TULP4: variants seen among roughly 807,000 people sequenced by gnomAD.
TULP4 encodes tubby-related protein 4.
A neutral mutation model predicts 129.0 loss-of-function variants in TULP4; 16 were observed. The ratio of observed to expected loss-of-function variants is 0.12; its 90% CI spans 0.08 to 0.19. TULP4 has a LOEUF of 0.19. Among genes scored for constraint, TULP4 ranks in the 10% least tolerant of loss-of-function variants. TULP4 has a pLI of 1.00. For synonymous variants in TULP4, 998 were observed against 854.0 expected, an observed-to-expected ratio of 1.17 and a Z score of -2.94; for missense variants, 1,842 against 2,059.1, an observed-to-expected ratio of 0.89 and a Z score of 2.04.
intron 2 of TULP4, among the ~76,000 whole-genome samples, chr6:158,422,483 C>T (rs1027090181): frequency 1.3e-5 from 2 of 152,180 alleles, no homozygotes; most frequent in African/African-American, 4.8e-5. Context: ...ATAAGTGATA[C>T]GGCTCCAGTG....
intron 9 of TULP4, among the ~76,000 whole-genome samples, chr6:158,492,518 C>G (rs77508964): frequency 0.018 from 2,788 of 152,122 alleles, 54 homozygotes; most frequent in Non-Finnish European, 0.022. Context: ...GTGCTTTTTT[C>G]CCATTATGTA....
intron 1 of TULP4, among the ~76,000 whole-genome samples, chr6:158,392,794 C>CTTTTTTTTTTTGTTTTTTTTTTTTTTTTT (rs1777615745): frequency 1.8e-5 from 1 of 54,642 alleles, no homozygotes; most frequent in Admixed American, 3.0e-4. Context: ...ATTTGTATTT[C>CTTTTTTTTTTTGTTTTTTTTTTTTTTTTT]TTTTTTTTTT....
At chr6:158,463,151 C>A (rs1249522786) in intron 6 of TULP4, among the ~76,000 whole-genome samples, 2 of 152,130 alleles carry the variant, frequency 1.3e-5, no homozygotes, top group Non-Finnish European at 2.9e-5. Flanking sequence ...TTATTCTAGT[C>A]TCCTACAGTC....
intron 3 of TULP4, among the ~76,000 whole-genome samples, chr6:158,432,607 A>C (rs1167087768): frequency 6.6e-6 from 1 of 152,220 alleles, no homozygotes; most frequent in African/African-American, 2.4e-5. Context: ...TCACGCCTGT[A>C]ATCCCAGCAC....
At chr6:158,276,899 C>G (rs1244888032) in intron 1 of TULP4, among the ~76,000 whole-genome samples, 1 of 152,056 alleles carries the variant, frequency 6.6e-6, no homozygotes, top group Non-Finnish European at 1.5e-5. Context: ...TTTGCCAAGA[C>G]CTCTGCTGGT....
chr6:158,469,613 C>CT (rs1222276495), intron 6 of TULP4, among the ~76,000 whole-genome samples: 2 of 151,872 alleles, frequency 1.3e-5, no homozygotes, highest in African/African-American at 2.4e-5. Flanking sequence ...AGCCACATCT[C>CT]TAAGTGTGGA....
intron 1 of TULP4, among the ~76,000 whole-genome samples, chr6:158,250,558 G>T (rs1778121710): frequency 6.6e-6 from 1 of 152,202 alleles, no homozygotes; most frequent in Non-Finnish European, 1.5e-5. Flanking sequence ...GAAGTCTCAA[G>T]GTTGACCATA....
chr6:158,323,839 C>T (rs959270947), intron 1 of TULP4, among the ~76,000 whole-genome samples: 6 of 152,160 alleles, frequency 3.9e-5, no homozygotes, highest in Non-Finnish European at 7.4e-5. Flanking sequence ...TTGTTAAGTT[C>T]TTGGAAACTG....
intron 1 of TULP4, among the ~76,000 whole-genome samples, chr6:158,291,962 T>C (rs1181561982): frequency 6.6e-6 from 1 of 152,226 alleles, no homozygotes; most frequent in Non-Finnish European, 1.5e-5. Flanking sequence ...TTCTGAAGAT[T>C]TGGGGATCTA....
intron 1 of TULP4, among the ~76,000 whole-genome samples, chr6:158,390,110 G>T (rs982667299): frequency 6.6e-6 from 1 of 151,766 alleles, no homozygotes; most frequent in Non-Finnish European, 1.5e-5. Context: ...AGTCATTTAT[G>T]TGCACAGTGA....
intron 1 of TULP4, among the ~76,000 whole-genome samples, chr6:158,263,852 C>T (rs1250899353): frequency 1.3e-5 from 2 of 152,114 alleles, no homozygotes; most frequent in African/African-American, 4.8e-5. Flanking sequence ...CACCTGAGGT[C>T]AGGAGTTAGA....
At chr6:158,305,318 T>TGTGTGC (rs1779199562) in intron 1 of TULP4, among the ~76,000 whole-genome samples, 1 of 107,846 alleles carries the variant, frequency 9.3e-6, no homozygotes, top group Non-Finnish European at 1.9e-5. Context: ...TATTTCATTC[T>TGTGTGC]GTGTGCGTGT....
chr6:158,240,424 C>T (rs1777860841), intron 1 of TULP4, among the ~76,000 whole-genome samples: 1 of 72,232 alleles, frequency 1.4e-5, no homozygotes, highest in African/African-American at 4.7e-5. Context: ...GGCGGCCGGG[C>T]AGAGGCGCCC....
At position 158,271,338 on chromosome 6, in the gene TULP4, C is replaced by G. The variant is rs544954510; in HGVS notation, n.68+39035C>G. 8.5e-5 allele frequency among the ~76,000 whole-genome samples: 13 copies of G among 152,110 alleles called. No individual in the cohort carries two copies. The South Asian group carries it at 2.7e-3, about 32-fold the overall frequency. On this transcript the variant is annotated intron_variant and non_coding_transcript_variant, in intron 1 of 1. Coordinates refer to the TULP4 transcript ENST00000620026. ...TAGGTCCAGCTTCCTCAAGTTGTGT[C>G]ATGACTTGTTGATGAGGAGGAAGGG...
chr6:158,493,770 C>T lies in TULP4; in HGVS notation c.1776+53C>T, dbSNP rs1196895771. 1 of 1,477,344 alleles carries T rather than the reference C, an allele frequency of 6.8e-7. No homozygotes were observed. The highest frequency in any genetic ancestry group is 1.4e-5 in the African/African-American group (1 of 68,994). The allele number at this position is 1,477,344 out of a possible 1,614,324, so 91.5% of individuals were successfully genotyped here. A position where few individuals can be genotyped will look rare whatever the true frequency, so the allele number is the denominator to read the frequency against. ...CTCCCCTCCTCCTGGGGGCTATGCCCAGAGGGCCCCTTCCTACCCGCCGCC... is the reference window on the plus strand; with the variant it reads ...CTCCCCTCCTCCTGGGGGCTATGCCTAGAGGGCCCCTTCCTACCCGCCGCC... On this transcript the variant is annotated intron_variant, in intron 10 of 13. Transcript: ENST00000367097. The surrounding 1 kb of genome is among the most constrained non-coding windows in gnomAD (Gnocchi z 4.4).
In TULP4 at chr6:158,360,097, CA is replaced by C. The variant is rs112453559; in HGVS notation, c.252+45840del. Among the ~76,000 whole-genome samples, 591 of 122,930 alleles carry C rather than the reference CA, an allele frequency of 4.8e-3. 4 individuals carry two copies. The highest frequency in any genetic ancestry group is 0.016 in the African/African-American group (532 of 33,452). The allele number at this position is 122,930 out of a possible 152,430, so 80.6% of individuals were successfully genotyped here. A position where few individuals can be genotyped will look rare whatever the true frequency, so the allele number is the denominator to read the frequency against. On this transcript the variant is annotated intron_variant, in intron 1 of 13. Transcript: ENST00000367097. ...CTTCCCCCCTTCCCTTTTATGCCTC[CA>C]AAAAAAAAAACCAAACAAACAAACA...
chr6:158,418,662 G>A (rs1009963938), intron 2 of TULP4, among the ~76,000 whole-genome samples: 2 of 152,140 alleles, frequency 1.3e-5, no homozygotes, highest in Admixed American at 6.5e-5. Flanking sequence ...CCAGCTACTC[G>A]GAAGGCGGCA....
intron 1 of TULP4, among the ~76,000 whole-genome samples, chr6:158,397,610 G>C (rs2114969127): frequency 6.6e-6 from 1 of 152,048 alleles, no homozygotes; most frequent in African/African-American, 2.4e-5. Flanking sequence ...TTTGATGTGT[G>C]GCCCAAGACA....
chr6:158,360,395 G>A (rs958329648), intron 1 of TULP4, among the ~76,000 whole-genome samples: 2 of 152,122 alleles, frequency 1.3e-5, no homozygotes, highest in African/African-American at 2.4e-5. Context: ...TGGCAGCCTC[G>A]AGTGCACATG....
Sources: allele counts gnomAD v4.1 joint callset (sites outside exome capture counted in the v4.1 genomes callset), GRCh38; gene constraint gnomAD v4.1.1; non-coding constraint Gnocchi (gnomAD v3.1); transcripts MANE v1.5; gene names NCBI Gene and HGNC (gene_info 2026-07-23, HGNC 2026-07-21).